Variants in SLC25A21 observed in about 807,000 individuals in gnomAD.
SLC25A21 encodes mitochondrial 2-oxodicarboxylate carrier.
A neutral mutation model predicts 43.8 loss-of-function variants in SLC25A21; 47 were observed. The ratio of observed to expected loss-of-function variants is 1.07; its 90% CI spans 0.85 to 1.37. SLC25A21 has a LOEUF of 1.37. Among genes scored for constraint, SLC25A21 ranks in the 40% most tolerant of loss-of-function variants. SLC25A21 has a pLI of 0.00. For missense variants in SLC25A21, 352 were observed against 350.2 expected (o/e 1.00, Z -0.04); for synonymous variants, 131 against 121.3 (o/e 1.08, Z -0.52).
chr14:36,957,696 G>C (rs184854325), intron 1 of SLC25A21, among the ~76,000 whole-genome samples: 1 of 152,194 alleles, frequency 6.6e-6, no homozygotes, highest in Admixed American at 6.5e-5. Context: ...GCAGCCGCTG[G>C]TGTAAATAGT....
intron 1 of SLC25A21, among the ~76,000 whole-genome samples, chr14:36,919,611 T>C (rs990286457): frequency 1.3e-4 from 16 of 125,920 alleles, no homozygotes; most frequent in South Asian, 2.5e-4. Context: ...AAATTCAAGA[T>C]TATCTATCTA....
intron 3 of SLC25A21, among the ~76,000 whole-genome samples, chr14:36,761,509 C>T (rs1398998950): frequency 6.6e-6 from 1 of 152,218 alleles, no homozygotes; most frequent in Admixed American, 6.5e-5. Context: ...GCAACAATTA[C>T]TGAAAGTCAG....
At chr14:37,024,406 C>T (rs760640307) in intron 1 of SLC25A21, among the ~76,000 whole-genome samples, 1 of 151,880 alleles carries the variant, frequency 6.6e-6, no homozygotes, top group Non-Finnish European at 1.5e-5. Flanking sequence ...CTGATTGGAC[C>T]CACATTTTGA....
At position 36,734,488 on chromosome 14, in the gene SLC25A21, G is replaced by C. The variant is rs17105159; in HGVS notation, c.270+19C>G. 6 of 1,596,570 alleles carry C rather than the reference G, an allele frequency of 3.8e-6. No homozygotes were observed. The highest frequency in any genetic ancestry group is 1.7e-5 in the Admixed American group (1 of 58,586). ...ACTGTGCCCTACTTTTGCTTGGTGC[G>C]AACGCATGCAATGCTTACCTTCACT... On this transcript the variant is annotated intron_variant, in intron 4 of 9. Transcript: ENST00000331299.
intron 3 of SLC25A21, among the ~76,000 whole-genome samples, chr14:36,764,196 A>AAGAAAGAAAGAAAGAAAG (rs1187804219): frequency 2.2e-5 from 3 of 137,548 alleles, no homozygotes; most frequent in Non-Finnish European, 3.2e-5. Context: ...AAGAAAGAGA[A>AAGAAAGAAAGAAAGAAAG]AGAAAGAAAC....
chr14:36,981,694 G>T lies in SLC25A21; in HGVS notation c.71-106690C>A, dbSNP rs542442103. On this transcript the variant is annotated intron_variant, in intron 1 of 9. Transcript: ENST00000331299. ...CACACACTGGGGCCTGTCGTGGGGTGGGGGGAAAAGGGAGGGATAGCATTA... is the reference window on the plus strand; with the variant it reads ...CACACACTGGGGCCTGTCGTGGGGTTGGGGGAAAAGGGAGGGATAGCATTA... Among the ~76,000 whole-genome samples the T allele has an allele frequency of 6.6e-5, 10 of 152,156 alleles. No individual in the cohort carries two copies. The East Asian group carries it at 1.5e-3, about 24-fold the overall frequency.
At chr14:36,874,832 A>T in intron 2 of SLC25A21, 124 bp downstream of exon 2, 1 of 654,004 alleles carries the variant, frequency 1.5e-6, no homozygotes, top group East Asian at 2.8e-5. Flanking sequence ...CTTTAGAAGC[A>T]AATATAACTG....
intron 3 of SLC25A21, among the ~76,000 whole-genome samples, chr14:36,803,368 G>T (rs1203905770): frequency 6.6e-6 from 1 of 151,938 alleles, no homozygotes; most frequent in Non-Finnish European, 1.5e-5. Flanking sequence ...TTTTAATTTT[G>T]ATTCCTTTAC....
intron 1 of SLC25A21, among the ~76,000 whole-genome samples, chr14:37,037,816 G>C (rs1467489): frequency 0.47 from 71,274 of 151,858 alleles, 19,113 homozygotes; most frequent in African/African-American, 0.75. Flanking sequence ...ATGCTGCCAG[G>C]AATCATCTCC....
intron 1 of SLC25A21, among the ~76,000 whole-genome samples, chr14:37,100,438 ATG>A (rs1230491798): frequency 6.6e-6 from 1 of 152,080 alleles, no homozygotes; most frequent in African/African-American, 2.4e-5. Flanking sequence ...CAATATAATC[ATG>A]TGTTCAGGGT....
At chr14:36,747,048 C>A (rs994947992) in intron 3 of SLC25A21, among the ~76,000 whole-genome samples, 1 of 152,098 alleles carries the variant, frequency 6.6e-6, no homozygotes, top group African/African-American at 2.4e-5. Flanking sequence ...TATACATCAA[C>A]AAATATATAT....
At chr14:36,724,600 A>C (rs1299591894) in intron 6 of SLC25A21, among the ~76,000 whole-genome samples, 1 of 152,244 alleles carries the variant, frequency 6.6e-6, no homozygotes, top group Non-Finnish European at 1.5e-5. Flanking sequence ...TGGCACCCAA[A>C]AGAATAAAAC....
intron 6 of SLC25A21, among the ~76,000 whole-genome samples, chr14:36,713,909 C>T (rs1884001223): frequency 6.6e-6 from 1 of 152,084 alleles, no homozygotes; most frequent in Non-Finnish European, 1.5e-5. Flanking sequence ...GCAGGAGGAT[C>T]ACTTGAGGCC....
At chr14:37,058,028 G>A (rs543400256) in intron 1 of SLC25A21, among the ~76,000 whole-genome samples, 3 of 152,294 alleles carry the variant, frequency 2.0e-5, no homozygotes, top group South Asian at 2.1e-4. Context: ...ATATGTTCAT[G>A]AGATGTTATT....
intron 2 of SLC25A21, among the ~76,000 whole-genome samples, chr14:36,851,726 T>C (rs1889743264): frequency 6.6e-6 from 1 of 152,210 alleles, no homozygotes; most frequent in African/African-American, 2.4e-5. Context: ...TTTTTTTGTT[T>C]GTCTGTTTTA....
chr14:37,062,167 A>T (rs941872704), intron 1 of SLC25A21, among the ~76,000 whole-genome samples: 1 of 152,244 alleles, frequency 6.6e-6, no homozygotes, highest in Non-Finnish European at 1.5e-5. Flanking sequence ...CTTTCATTTT[A>T]ACTACATATG....
At chr14:36,768,945 A>C (rs1189535428) in intron 3 of SLC25A21, among the ~76,000 whole-genome samples, 4 of 146,224 alleles carry the variant, frequency 2.7e-5, no homozygotes, top group African/African-American at 1.0e-4. Flanking sequence ...AAAAAAAAAA[A>C]AACAAAAACC....
chr14:37,104,013 G>A (rs10483487), intron 1 of SLC25A21, among the ~76,000 whole-genome samples: 3,763 of 152,216 alleles, frequency 0.025, 126 homozygotes, highest in Admixed American at 0.093. Flanking sequence ...ACGGCTCGTG[G>A]ACCACTCTCA....
chr14:37,106,353 G>C (rs1962912377), intron 1 of SLC25A21, among the ~76,000 whole-genome samples: 1 of 151,910 alleles, frequency 6.6e-6, no homozygotes, highest in Non-Finnish European at 1.5e-5. Context: ...TAATACCCTG[G>C]GAAAGGAATG....
Sources: allele counts gnomAD v4.1 joint callset (sites outside exome capture counted in the v4.1 genomes callset), GRCh38; gene constraint gnomAD v4.1.1; transcripts MANE v1.5; gene names NCBI Gene and HGNC (gene_info 2026-07-23, HGNC 2026-07-21).